Variants in UMODL1 observed in about 807,000 individuals in gnomAD.
UMODL1 encodes the protein uromodulin-like 1.
A neutral mutation model predicts 136.3 loss-of-function variants in UMODL1; 128 were observed. The observed-to-expected ratio is 0.94, with a 90% CI of 0.81 to 1.09. The LOEUF is 1.09. Ranked by LOEUF, UMODL1 falls within the 50% of genes least tolerant of loss-of-function variation. The pLI is 0.00. For synonymous variants in UMODL1, 721 were observed against 720.0 expected (o/e 1.00, Z -0.02); for missense variants, 1,766 against 1,725.6 (o/e 1.02, Z -0.41).
chr21:42,104,285 A>G (rs892761129), intron 9 of UMODL1, among the ~76,000 whole-genome samples, 198 bp downstream of exon 9: 24 of 152,202 alleles, frequency 1.6e-4, no homozygotes, highest in Non-Finnish European at 3.1e-4. Flanking sequence ...TGGTCAGCCC[A>G]GGACACTGAG....
intron 1 of UMODL1, among the ~76,000 whole-genome samples, chr21:42,064,650 G>T (rs1049976275): frequency 1.3e-5 from 2 of 151,762 alleles, no homozygotes; most frequent in African/African-American, 2.4e-5. Flanking sequence ...TCTGCCTCCA[G>T]GTTCAAGCGA....
At chr21:42,119,372 C>A (rs1201744547) in intron 15 of UMODL1, 48 bp downstream of exon 15, 1 of 1,569,106 alleles carries the variant, frequency 6.4e-7, no homozygotes, top group Non-Finnish European at 8.7e-7. Flanking sequence ...GAACCAGAGG[C>A]AGCCAGAGGG....
intron 1 of UMODL1, among the ~76,000 whole-genome samples, chr21:42,063,923 G>GC (rs1380714533): frequency 1.3e-5 from 2 of 152,292 alleles, no homozygotes; most frequent in East Asian, 1.9e-4. Context: ...ACACCCTGCG[G>GC]CCCCCCAGTT....
intron 21 of UMODL1, among the ~76,000 whole-genome samples, chr21:42,133,482 C>A (rs979344693): frequency 6.6e-6 from 1 of 152,206 alleles, no homozygotes; most frequent in African/African-American, 2.4e-5. Flanking sequence ...TTCCCTCCAC[C>A]CCAGCCCTCA....
At chr21:42,130,430 G>GAA (rs11424626) in intron 21 of UMODL1, among the ~76,000 whole-genome samples, 1 of 150,132 alleles carries the variant, frequency 6.7e-6, no homozygotes, top group African/African-American at 2.5e-5. Flanking sequence ...ATCTTATTTT[G>GAA]AAAAAAAAAT....
intron 9 of UMODL1, among the ~76,000 whole-genome samples, chr21:42,107,431 G>A (rs923232528): frequency 4.6e-5 from 7 of 152,114 alleles, no homozygotes; most frequent in Non-Finnish European, 8.8e-5. Flanking sequence ...GCCACTGCGC[G>A]AGCCCTTTCC....
chr21:42,063,911 C>T (rs1041854005), intron 1 of UMODL1, among the ~76,000 whole-genome samples: 3 of 152,196 alleles, frequency 2.0e-5, no homozygotes, highest in Non-Finnish European at 4.4e-5. Flanking sequence ...TCCCTTTTCT[C>T]GACACCCTGC....
At chr21:42,072,594 G>A (rs220278) in intron 1 of UMODL1, among the ~76,000 whole-genome samples, 74,461 of 152,034 alleles carry the variant, frequency 0.49, 18,722 homozygotes, top group Admixed American at 0.62. Context: ...TGGTCGCCCC[G>A]AATTTTCCCT....
chr21:42,090,370 C>A lies in UMODL1; in HGVS notation c.863C>A (p.Ser288Ter). 1 of 1,614,022 alleles carries A rather than the reference C, an allele frequency of 6.2e-7. No homozygotes were observed. Among genetic ancestry groups the A allele is most frequent in the Non-Finnish European group, 8.5e-7 (1 of 1,179,952 alleles). Residue 288 changes from serine to a stop codon, truncating the protein, a stop_gained, in exon 6 of 23, where the codon TCG becomes TAG. Coordinates refer to ENST00000408910, the MANE Select transcript of UMODL1 (RefSeq NM_001004416.3). LOFTEE classifies it high-confidence loss of function. ...GRELCANLEGSYWCVCHQEAP... is the reference protein window; with the variant it reads ...GRELCANLEG ...GAACTGTGCGCAAACCTGGAGGGCT[C>A]GTACTGGTGCGTCTGTCACCAGGAA...
chr21:42,077,715 T>G (rs468126), intron 2 of UMODL1, among the ~76,000 whole-genome samples: 47,816 of 151,350 alleles, frequency 0.32, 7,885 homozygotes, highest in African/African-American at 0.39. Flanking sequence ...GGGCTGCCAG[T>G]GAAAGAGGCA....
intron 7 of UMODL1, among the ~76,000 whole-genome samples, chr21:42,100,836 C>A (rs2066620255): frequency 2.1e-5 from 1 of 48,558 alleles, no homozygotes; most frequent in Non-Finnish European, 4.1e-5. Flanking sequence ...CCCGTGCCCT[C>A]CTCACCCTCC....
intron 13 of UMODL1, among the ~76,000 whole-genome samples, chr21:42,115,425 G>A (rs764613462): frequency 2.6e-5 from 4 of 152,240 alleles, no homozygotes; most frequent in South Asian, 2.1e-4. Flanking sequence ...CTGTGGCCAC[G>A]TGGACTCTGA....
chr21:42,071,196 G>A (rs1465755837), upstream of UMODL1: 12 of 1,078,874 alleles, frequency 1.1e-5, no homozygotes, highest in Non-Finnish European at 1.5e-5. Context: ...CAGCAGCACA[G>A]GGGACAGAAA....
intron 22 of UMODL1, among the ~76,000 whole-genome samples, chr21:42,138,007 G>T (rs757413887): frequency 6.6e-6 from 1 of 152,040 alleles, no homozygotes; most frequent in East Asian, 1.9e-4. Flanking sequence ...GTGAAGGTTC[G>T]ATCGCTTCAC....
chr21:42,092,887 G>T (rs551806306), intron 6 of UMODL1, among the ~76,000 whole-genome samples: 1 of 152,268 alleles, frequency 6.6e-6, no homozygotes, highest in Admixed American at 6.5e-5. Context: ...AAATTGAGGG[G>T]GACGAAGGTG....
chr21:42,075,432 A>G (rs992366374), intron 1 of UMODL1, among the ~76,000 whole-genome samples: 1 of 152,210 alleles, frequency 6.6e-6, no homozygotes, highest in Non-Finnish European at 1.5e-5. Flanking sequence ...AGGTGCTTTA[A>G]GTACCTGCTT....
chr21:42,070,763 G>A (rs985246007), upstream of UMODL1, among the ~76,000 whole-genome samples: 2 of 152,182 alleles, frequency 1.3e-5, no homozygotes, highest in African/African-American at 4.8e-5. Flanking sequence ...CCACAGCTTC[G>A]TGCTCTCAGC....
chr21:42,111,551 A>G lies in UMODL1; in HGVS notation c.1945A>G (p.Thr649Ala), dbSNP rs775327488. The change falls in exon 12 of 23, where the codon ACT (threonine) becomes GCT (alanine). Residue 649 changes from threonine (T) to alanine (A), a missense_variant. By Grantham distance (58) the Thr-to-Ala change is moderately conservative (BLOSUM62 0). Transcript: ENST00000408910. ...GGAGCCACCCTCCTGGCCTTCCCCT[A>G]CTGAGGACCCCACCGGCCACTTCCT... ...IMEPPSWPSP[T>A]EDPTGHFLWH... 6.2e-7 allele frequency: 1 copy of G among 1,614,040 alleles called. No homozygotes were observed. Among genetic ancestry groups the G allele is most frequent in the South Asian group, 1.1e-5 (1 of 91,082 alleles).
At chr21:42,110,773 C>G in intron 10 of UMODL1, 107 bp from the exon 11 acceptor site, 1 of 1,151,880 alleles carries the variant, frequency 8.7e-7, no homozygotes, top group Non-Finnish European at 1.2e-6. Context: ...GCCAGGTCCA[C>G]TCCGGGATGC....
Sources: allele counts gnomAD v4.1 joint callset (sites outside exome capture counted in the v4.1 genomes callset), GRCh38; gene constraint gnomAD v4.1.1; transcripts MANE v1.5; gene names NCBI Gene and HGNC (gene_info 2026-07-23, HGNC 2026-07-21).